CMSS1: variants seen among roughly 807,000 people sequenced by gnomAD.
The protein encoded by CMSS1 is protein CMSS1.
CMSS1 carries 33 observed loss-of-function variants against 43.5 expected under a neutral mutation model. The ratio of observed to expected loss-of-function variants is 0.76; its 90% confidence interval spans 0.57 to 1.01. The LOEUF (loss-of-function observed/expected upper bound fraction) is 1.01. CMSS1 is among the 50% of genes least tolerant of loss of function. The pLI, the probability that CMSS1 is intolerant of heterozygous loss-of-function variation, is 0.00. For missense variants in CMSS1, 313 were observed against 326.4 expected (o/e 0.96, Z 0.32); for synonymous variants, 115 against 117.2 (o/e 0.98, Z 0.12).
At chr3:100,162,559 G>A in intron 4 of CMSS1, 127 bp downstream of exon 4, 1 of 993,470 alleles carries the variant, frequency 1.0e-6, no homozygotes, top group Non-Finnish European at 1.4e-6. Context: ...TATAATCCCA[G>A]CACTTTGGGA....
intron 1 of CMSS1, among the ~76,000 whole-genome samples, chr3:99,991,308 C>T (rs1030551747): frequency 6.6e-6 from 1 of 152,030 alleles, no homozygotes; most frequent in Non-Finnish European, 1.5e-5. Flanking sequence ...GGGCACACAC[C>T]CTTCCAAAAG....
At position 100,179,344 on chromosome 3, in the gene CMSS1, A is replaced by G. The variant is rs2067171246; in HGVS notation, c.*956A>G. The G allele has an allele frequency of 6.6e-6, 1 of 152,228 alleles. No individual in the cohort carries two copies. The highest frequency in any genetic ancestry group is 2.4e-5 in the African/African-American group (1 of 41,448). 9.4% of individuals were successfully genotyped at this position (152,228 alleles called of 1,614,324 possible). A position where few individuals can be genotyped will look rare whatever the true frequency, so the allele number is the denominator to read the frequency against. Reference sequence around the variant, plus strand: ...AGCATTAACTGAAAAGTCCAACTCCAAAGTCTGATCTGAGACAAGGCAACT... The same window carrying G: ...AGCATTAACTGAAAAGTCCAACTCCGAAGTCTGATCTGAGACAAGGCAACT... On this transcript the variant is annotated 3_prime_UTR_variant, in exon 10 of 10. Transcript: ENST00000421999.
At chr3:99,932,604 C>CAGG (rs1707518572) in intron 1 of CMSS1, among the ~76,000 whole-genome samples, 1 of 152,030 alleles carries the variant, frequency 6.6e-6, no homozygotes, top group South Asian at 2.1e-4. Context: ...AGACATTGAC[C>CAGG]CATTGCCAGG....
intron 1 of CMSS1, chr3:99,848,633 C>G (rs778830328): frequency 1.2e-6 from 2 of 1,614,152 alleles, no homozygotes. Flanking sequence ...CGTCCCTGCT[C>G]AGGAGAGCTA....
At chr3:99,932,605 C>CACAATG (rs1707518799) in intron 1 of CMSS1, among the ~76,000 whole-genome samples, 1 of 152,098 alleles carries the variant, frequency 6.6e-6, no homozygotes, top group South Asian at 2.1e-4. Context: ...GACATTGACC[C>CACAATG]ATTGCCAGGC....
intron 1 of CMSS1, among the ~76,000 whole-genome samples, chr3:100,111,612 C>A (rs1311312415): frequency 2.0e-5 from 3 of 152,116 alleles, no homozygotes; most frequent in African/African-American, 7.2e-5. Flanking sequence ...GTGTAGGCTC[C>A]AGTGATTGAC....
chr3:99,819,122 T>C (rs998775660), intron 1 of CMSS1, among the ~76,000 whole-genome samples: 4 of 152,260 alleles, frequency 2.6e-5, no homozygotes, highest in African/African-American at 9.6e-5. Context: ...ACTTCATTTG[T>C]TGCATTGTTT....
chr3:100,170,754 G>A (rs1576120734), intron 6 of CMSS1, among the ~76,000 whole-genome samples: 4 of 152,214 alleles, frequency 2.6e-5, no homozygotes, highest in Non-Finnish European at 2.9e-5. Flanking sequence ...CACCAGCGCC[G>A]TCTCAGCCCT....
At chr3:100,159,110 C>A (rs186649649) in intron 2 of CMSS1, among the ~76,000 whole-genome samples, 1 of 152,338 alleles carries the variant, frequency 6.6e-6, no homozygotes, top group East Asian at 1.9e-4. Context: ...CTCTAATTGG[C>A]ATGTACCAGC....
chr3:100,165,749 ATTTC>A (rs1383403057), intron 4 of CMSS1, among the ~76,000 whole-genome samples: 5 of 152,138 alleles, frequency 3.3e-5, no homozygotes, highest in African/African-American at 4.8e-5. Context: ...CCATGCAAGA[ATTTC>A]TTTCTATTAT....
At chr3:100,055,825 T>G (rs769770241) in intron 1 of CMSS1, among the ~76,000 whole-genome samples, 1 of 152,206 alleles carries the variant, frequency 6.6e-6, no homozygotes, top group Non-Finnish European at 1.5e-5. Flanking sequence ...TCTTTCTTGT[T>G]TATATTAAAT....
intron 1 of CMSS1, among the ~76,000 whole-genome samples, chr3:100,128,029 C>T (rs2066676615): frequency 6.6e-6 from 1 of 152,172 alleles, no homozygotes; most frequent in Non-Finnish European, 1.5e-5. Context: ...GCTTGCTCTG[C>T]CTATATGACA....
chr3:100,015,841 A>G (rs1013202087), intron 1 of CMSS1, among the ~76,000 whole-genome samples: 7 of 152,354 alleles, frequency 4.6e-5, no homozygotes, highest in Non-Finnish European at 7.3e-5. Context: ...TCTCTATCAC[A>G]TATGATCATT....
intron 1 of CMSS1, among the ~76,000 whole-genome samples, chr3:99,945,144 G>T (rs1180302879): frequency 6.6e-6 from 1 of 152,150 alleles, no homozygotes; most frequent in African/African-American, 2.4e-5. Context: ...TGGTCATGTG[G>T]CTGTGACTAG....
At chr3:100,152,923 A>T (rs993215453) in intron 2 of CMSS1, among the ~76,000 whole-genome samples, 2 of 152,162 alleles carry the variant, frequency 1.3e-5, no homozygotes, top group African/African-American at 4.8e-5. Flanking sequence ...TTCATCAATC[A>T]CTTTACTTTT....
At chr3:100,068,315 GCATAGTGAGACAAA>G (rs1279048379) in intron 1 of CMSS1, among the ~76,000 whole-genome samples, 3 of 151,820 alleles carry the variant, frequency 2.0e-5, no homozygotes, top group Non-Finnish European at 4.4e-5. Context: ...CTGGATGGAT[GCATAGTGAGACAAA>G]CATGAATGAT....
At chr3:99,898,393 A>G (rs1199606219) in intron 1 of CMSS1, 1 of 152,238 alleles carries the variant, frequency 6.6e-6, no homozygotes, top group African/African-American at 2.4e-5. Context: ...AAACCTGGAA[A>G]GATCAGCTAA....
chr3:100,035,796 A>T (rs2065097744), intron 1 of CMSS1, among the ~76,000 whole-genome samples: 1 of 152,242 alleles, frequency 6.6e-6, no homozygotes, highest in Admixed American at 6.5e-5. Context: ...ATCACGAGCT[A>T]TAGCAGTCAT....
chr3:100,135,444 G>GTGTGTGTGTGTGTA, intron 1 of CMSS1, among the ~76,000 whole-genome samples: 1 of 64,946 alleles, frequency 1.5e-5, no homozygotes, highest in African/African-American at 5.8e-5. Context: ...GTGCATGTGT[G>GTGTGTGTGTGTGTA]TGTGTGTGTG....
Sources: allele counts gnomAD v4.1 joint callset (sites outside exome capture counted in the v4.1 genomes callset), GRCh38; gene constraint gnomAD v4.1.1; transcripts MANE v1.5; gene names NCBI Gene and HGNC (gene_info 2026-07-23, HGNC 2026-07-21).